BCAP29: variants seen among roughly 807,000 people sequenced by gnomAD.
BCAP29 encodes B-cell receptor-associated protein 29.
In BCAP29, 34 loss-of-function variants were observed where a neutral mutation model predicts 31.8. The ratio of observed to expected loss-of-function variants is 1.07; its 90% CI spans 0.81 to 1.42. The LOEUF is 1.42. BCAP29 is among the 40% of genes most tolerant of loss of function. The pLI, the probability that BCAP29 is intolerant of heterozygous loss-of-function variation, is 0.00. For synonymous variants in BCAP29, 104 were observed against 91.3 expected (o/e 1.14, Z -0.79); for missense variants, 314 against 269.2 (o/e 1.17, Z -1.16).
intron 6 of BCAP29, among the ~76,000 whole-genome samples, chr7:107,610,710 A>C (rs1261884726): frequency 6.6e-6 from 1 of 152,172 alleles, no homozygotes; most frequent in Non-Finnish European, 1.5e-5. Context: ...TTGTTCCGTT[A>C]ATAACTTTAT....
downstream of BCAP29, chr7:107,621,763 TC>T (rs1814991983): frequency 2.1e-6 from 1 of 473,328 alleles, no homozygotes; most frequent in Non-Finnish European, 4.4e-6. Flanking sequence ...AACAGATTCT[TC>T]CCCAGAGCCT....
intron 3 of BCAP29, among the ~76,000 whole-genome samples, chr7:107,589,778 A>G (rs1808378567): frequency 6.6e-6 from 1 of 152,204 alleles, no homozygotes; most frequent in African/African-American, 2.4e-5. Flanking sequence ...CAAAGGATTG[A>G]AGTCCTACCA....
intron 2 of BCAP29, 38 bp from the exon 3 acceptor site, chr7:107,583,844 A>T: frequency 1.3e-5 from 14 of 1,047,618 alleles, no homozygotes; most frequent in East Asian, 2.7e-5. Flanking sequence ...ACTTTATTTT[A>T]GTTTTTTTAT....
intron 6 of BCAP29, chr7:107,603,542 T>A (rs1302903628): frequency 5.3e-5 from 8 of 151,940 alleles, no homozygotes; most frequent in African/African-American, 7.2e-5. Flanking sequence ...GGGAAATTTC[T>A]TGACCATGCC....
intron 3 of BCAP29, among the ~76,000 whole-genome samples, chr7:107,588,504 T>G (rs1288580465): frequency 6.6e-6 from 1 of 152,176 alleles, no homozygotes; most frequent in Non-Finnish European, 1.5e-5. Flanking sequence ...TCTCCTGTGT[T>G]AAAAATTATG....
At chr7:107,612,391 TTA>T (rs36213596) in intron 6 of BCAP29, among the ~76,000 whole-genome samples, 1,410 of 30,588 alleles carry the variant, frequency 0.046, 14 homozygotes, top group Non-Finnish European at 0.051. Flanking sequence ...ATGTATTGTT[TTA>T]TATATATATA....
chr7:107,617,669 TTG>T (rs1226572161), intron 7 of BCAP29, among the ~76,000 whole-genome samples: 32 of 152,270 alleles, frequency 2.1e-4, no homozygotes, highest in African/African-American at 7.5e-4. Flanking sequence ...TCCTCTACTC[TTG>T]TCTTTTTATT....
At chr7:107,590,216 C>T (rs967483007) in intron 3 of BCAP29, among the ~76,000 whole-genome samples, 1 of 151,942 alleles carries the variant, frequency 6.6e-6, no homozygotes, top group African/African-American at 2.4e-5. Context: ...TTAATAATAT[C>T]TACCCATTAT....
chr7:107,591,652 A>ACT lies in BCAP29; in HGVS notation c.194-2302_194-2301insTC. 1.3e-5 allele frequency among the ~76,000 whole-genome samples: 2 copies of ACT among 149,306 alleles called. 1 individual carries two copies. The highest frequency in any genetic ancestry group is 3.0e-5 in the Non-Finnish European group (2 of 67,486). ...TCCCCATACACACATACACACACAC[A>ACT]CACACCCTATTGGTTCTTTTTCCCT... is the stretch of plus-strand genomic sequence containing the variant. On this transcript the variant is annotated intron_variant, in intron 3 of 7. Coordinates refer to ENST00000005259, the MANE Select transcript of BCAP29 (RefSeq NM_018844.4).
chr7:107,620,465 A>G lies in BCAP29; in HGVS notation c.*2102A>G, dbSNP rs1351135534. 6.6e-6 allele frequency: 1 copy of G among 152,162 alleles called. No individual in the cohort carries two copies. The highest frequency in any genetic ancestry group is 1.5e-5 in the Non-Finnish European group (1 of 68,030). 9.4% of individuals were successfully genotyped at this position (152,162 alleles called of 1,614,324 possible). Reference sequence around the variant, plus strand: ...AATTGTATTACATAAATAAATATTTATTTCATGGATTGAGTTATGTTGCAT... The same window carrying G: ...AATTGTATTACATAAATAAATATTTGTTTCATGGATTGAGTTATGTTGCAT... On this transcript the variant is annotated 3_prime_UTR_variant, in exon 8 of 8. Coordinates refer to ENST00000005259, the MANE Select transcript of BCAP29 (RefSeq NM_018844.4).
At chr7:107,607,053 G>A (rs145307460) in intron 6 of BCAP29, among the ~76,000 whole-genome samples, 1 of 152,182 alleles carries the variant, frequency 6.6e-6, no homozygotes, top group Non-Finnish European at 1.5e-5. Flanking sequence ...AGTGGCTCAC[G>A]CCTGTAATCC....
At chr7:107,603,559 C>T (rs1015972917) in intron 6 of BCAP29, 1 of 149,320 alleles carries the variant, frequency 6.7e-6, no homozygotes, top group Admixed American at 6.7e-5. Flanking sequence ...TGCCTTTCTT[C>T]TGTTTGTTCC....
chr7:107,598,469 C>T (rs1429152220), intron 5 of BCAP29, among the ~76,000 whole-genome samples: 2 of 152,116 alleles, frequency 1.3e-5, no homozygotes, highest in Non-Finnish European at 2.9e-5. Context: ...GCTGCCTAAT[C>T]TCTATATAGC....
intron 5 of BCAP29, 42 bp from the exon 6 acceptor site, chr7:107,600,355 G>A: frequency 8.5e-7 from 1 of 1,182,158 alleles, no homozygotes; most frequent in Non-Finnish European, 1.3e-6. Context: ...TCTGGCTATT[G>A]CAATCTAAGC....
chr7:107,598,467 A>C (rs2129244549), intron 5 of BCAP29, among the ~76,000 whole-genome samples: 1 of 152,260 alleles, frequency 6.6e-6, no homozygotes, highest in African/African-American at 2.4e-5. Context: ...GAGCTGCCTA[A>C]TCTCTATATA....
rs1382042296 is a variant in BCAP29, at chr7:107,583,975, A to G, written c.186A>G (p.Leu62=). The G allele has an allele frequency of 1.9e-6, 3 of 1,546,914 alleles. No homozygotes were observed. Among genetic ancestry groups the G allele is most frequent in the East Asian group, 4.6e-5 (2 of 43,624 alleles). Reference sequence around the variant, plus strand: ...CCATTATCATCCTATTGATTGTTCTATTTCTAGGTAAGTACTAGATCCCTT... The same window carrying G: ...CCATTATCATCCTATTGATTGTTCTGTTTCTAGGTAAGTACTAGATCCCTT... ...FLTIIILLIV[L]FLDAVREVRK... is the part of the protein sequence containing the mutation. The change falls in exon 3 of 8, where the codon CTA becomes CTG. Residue 62 remains leucine, a synonymous_variant. Transcript: ENST00000005259.
chr7:107,589,821 G>A (rs886499722), intron 3 of BCAP29, among the ~76,000 whole-genome samples: 1 of 152,160 alleles, frequency 6.6e-6, no homozygotes, highest in African/African-American at 2.4e-5. Context: ...TGGGGGTTTT[G>A]TTTTTGTTGT....
intron 3 of BCAP29, among the ~76,000 whole-genome samples, chr7:107,593,583 T>C (rs1809267913): frequency 6.6e-6 from 1 of 152,162 alleles, no homozygotes; most frequent in South Asian, 2.1e-4. Context: ...TCTCTTGGAA[T>C]TGATTGTAAT....
At chr7:107,580,589 C>G (rs1383767580) in intron 1 of BCAP29, 170 bp from the exon 2 acceptor site, 1 of 529,042 alleles carries the variant, frequency 1.9e-6, no homozygotes, top group Non-Finnish European at 3.3e-6. Context: ...TGGCGACACC[C>G]GCTTCCCGGG....
Sources: gnomAD v4.1 joint callset for allele counts (sites outside exome capture counted in the v4.1 genomes callset) on GRCh38, gnomAD v4.1.1 for gene constraint, MANE v1.5 for transcripts, NCBI Gene and HGNC (gene_info 2026-07-23, HGNC 2026-07-21) for gene names.